The following CACNB2 variants were observed in gnomAD, a reference collection of about 807,000 sequenced individuals.
CACNB2 encodes voltage-dependent L-type calcium channel subunit beta-2.
In CACNB2, 42 loss-of-function variants were observed where a neutral mutation model predicts 73.3. The observed-to-expected ratio is 0.57, with a 90% confidence interval of 0.45 to 0.74. The LOEUF (loss-of-function observed/expected upper bound fraction) is 0.74. CACNB2 is among the 30% of genes least tolerant of loss of function. The pLI is 0.00. For synonymous variants in CACNB2, 348 were observed against 310.3 expected, an observed-to-expected ratio of 1.12 and a Z score of -1.28; for missense variants, 940 against 853.0, an observed-to-expected ratio of 1.10 and a Z score of -1.27.
At chr10:18,343,266 C>T (rs1261732298) in intron 2 of CACNB2, among the ~76,000 whole-genome samples, 2 of 152,138 alleles carry the variant, frequency 1.3e-5, no homozygotes, top group African/African-American at 2.4e-5. Context: ...TCTATCCTTT[C>T]TTCCCTTCCT....
At chr10:18,499,617 GAAAAA>G (rs59492615) in intron 4 of CACNB2, among the ~76,000 whole-genome samples, 3 of 99,658 alleles carry the variant, frequency 3.0e-5, no homozygotes, top group South Asian at 3.5e-4. Flanking sequence ...CTGTCTCAAA[GAAAAA>G]AAAAAAAAAA....
intron 2 of CACNB2, among the ~76,000 whole-genome samples, chr10:18,158,886 G>A (rs930110930): frequency 2.6e-5 from 4 of 152,110 alleles, no homozygotes; most frequent in Non-Finnish European, 5.9e-5. Context: ...TGCTGCCAAG[G>A]TCAGGGAAAA....
intron 3 of CACNB2, among the ~76,000 whole-genome samples, chr10:18,453,998 C>T (rs1243161981): frequency 2.0e-5 from 3 of 152,172 alleles, no homozygotes; most frequent in Admixed American, 1.3e-4. Flanking sequence ...TTGTGTTTCA[C>T]TTGTTTCTGA....
chr10:18,374,372 C>A (rs374528146), intron 2 of CACNB2, among the ~76,000 whole-genome samples: 1 of 152,180 alleles, frequency 6.6e-6, no homozygotes, highest in African/African-American at 2.4e-5. Context: ...GAGAGGTGTC[C>A]CCTGTGATGA....
In CACNB2 at chr10:18,543,001, T is replaced by G. The variant is rs1328438629; in HGVS notation, c.*3277T>G. On this transcript the variant is annotated 3_prime_UTR_variant, in exon 14 of 14. Transcript: ENST00000324631. ...TAAATGTAGGATGTCTTAGTCATGTTGTACTTTGGGACAATGCCACATTTT... is the reference window on the plus strand; with the variant it reads ...TAAATGTAGGATGTCTTAGTCATGTGGTACTTTGGGACAATGCCACATTTT... The G allele has an allele frequency of 6.6e-6, 1 of 152,072 alleles. No individual in the cohort carries two copies. Among genetic ancestry groups the G allele is most frequent in the East Asian group, 1.9e-4 (1 of 5,186 alleles). 9.4% of individuals were successfully genotyped at this position (152,072 alleles called of 1,614,324 possible).
chr10:18,216,822 G>C (rs2035531589), intron 2 of CACNB2, among the ~76,000 whole-genome samples: 1 of 152,108 alleles, frequency 6.6e-6, no homozygotes, highest in Non-Finnish European at 1.5e-5. Context: ...TTAAAAGCAA[G>C]CATAAATAAA....
At chr10:18,336,888 A>G (rs918591256) in intron 2 of CACNB2, among the ~76,000 whole-genome samples, 5 of 152,208 alleles carry the variant, frequency 3.3e-5, no homozygotes, top group African/African-American at 9.6e-5. Flanking sequence ...TTGAGGTTGA[A>G]AAGTAATACC....
At chr10:18,276,875 G>A (rs55851583) in intron 2 of CACNB2, among the ~76,000 whole-genome samples, 88 of 152,264 alleles carry the variant, frequency 5.8e-4, no homozygotes, top group African/African-American at 1.9e-3. Flanking sequence ...CACCACACCC[G>A]GCCTTGCAGG....
At chr10:18,156,002 T>C (rs2032021952) in intron 2 of CACNB2, among the ~76,000 whole-genome samples, 1 of 151,942 alleles carries the variant, frequency 6.6e-6, no homozygotes, top group Non-Finnish European at 1.5e-5. Context: ...CTCTTTGTAG[T>C]CAATTTCTCA....
intron 2 of CACNB2, among the ~76,000 whole-genome samples, chr10:18,164,765 A>ATT (rs2032727578): frequency 1.3e-5 from 2 of 152,014 alleles, no homozygotes; most frequent in African/African-American, 4.8e-5. Flanking sequence ...TGGATTTAGG[A>ATT]CTTGGAGGTG....
Position 18,307,986 on chromosome 10 carries a change from T to A in CACNB2, c.214-93938T>A, listed in dbSNP as rs942408701. 2.1e-3 allele frequency among the ~76,000 whole-genome samples: 189 copies of A among 89,604 alleles called. 8 individuals carry two copies. The highest frequency in any genetic ancestry group is 6.0e-3 in the Middle Eastern group (1 of 166). 58.8% of individuals were successfully genotyped at this position (89,604 alleles called of 152,430 possible). A position where few individuals can be genotyped will look rare whatever the true frequency, so the allele number is the denominator to read the frequency against. Reference sequence around the variant, plus strand: ...AGTCTAAAATAATATATGCCAACTTTTTTTTTTTTTTTTTTTTTTTTTTTG... The same window carrying A: ...AGTCTAAAATAATATATGCCAACTTATTTTTTTTTTTTTTTTTTTTTTTTG... On this transcript the variant is annotated intron_variant, in intron 2 of 13. Transcript: ENST00000324631.
chr10:18,184,383 A>G (rs1339421695), intron 2 of CACNB2, among the ~76,000 whole-genome samples: 2 of 152,170 alleles, frequency 1.3e-5, no homozygotes, highest in Non-Finnish European at 2.9e-5. Context: ...AGATTTATCA[A>G]ATTATTGTGA....
At chr10:18,203,215 A>G (rs1460647360) in intron 2 of CACNB2, among the ~76,000 whole-genome samples, 1 of 152,214 alleles carries the variant, frequency 6.6e-6, no homozygotes, top group Non-Finnish European at 1.5e-5. Flanking sequence ...ACACAGGCAG[A>G]TGCTTGGAGA....
intron 2 of CACNB2, among the ~76,000 whole-genome samples, chr10:18,354,768 A>T (rs2041844953): frequency 6.6e-6 from 1 of 151,630 alleles, no homozygotes; most frequent in South Asian, 2.1e-4. Context: ...GGTTCTGAAA[A>T]TATCTGCATA....
intron 1 of CACNB2, among the ~76,000 whole-genome samples, chr10:18,142,338 C>T (rs1365010515): frequency 6.6e-6 from 1 of 152,184 alleles, no homozygotes; most frequent in Non-Finnish European, 1.5e-5. Flanking sequence ...GCTTCACAAG[C>T]CGAGTAGGGA....
chr10:18,541,054 G>GTTTA lies in CACNB2; in HGVS notation c.*1331_*1334dup, dbSNP rs2054044724. Reference sequence around the variant, plus strand: ...TAGAGTATTTGTTTTAGTAAGAAATGTTTACACAGCTTGTGGAATTATTTC... The same window carrying GTTTA: ...TAGAGTATTTGTTTTAGTAAGAAATGTTTATTTACACAGCTTGTGGAATTATTTC... On this transcript the variant is annotated 3_prime_UTR_variant, in exon 14 of 14. Coordinates refer to ENST00000324631, the MANE Select transcript of CACNB2 (RefSeq NM_201596.3). The GTTTA allele has an allele frequency of 6.6e-6, 1 of 152,304 alleles. No homozygotes were observed. The highest frequency in any genetic ancestry group is 6.6e-5 in the Admixed American group (1 of 15,256). The allele number at this position is 152,304 out of a possible 1,614,324, so 9.4% of individuals were successfully genotyped here. A position where few individuals can be genotyped will look rare whatever the true frequency, so the allele number is the denominator to read the frequency against.
At chr10:18,485,814 C>G (rs1446735703) in intron 3 of CACNB2, among the ~76,000 whole-genome samples, 1 of 151,778 alleles carries the variant, frequency 6.6e-6, no homozygotes, top group African/African-American at 2.4e-5. Context: ...AACTCCTGAC[C>G]TCAAGTGATC....
intron 3 of CACNB2, among the ~76,000 whole-genome samples, chr10:18,442,771 G>A (rs1173371440): frequency 6.6e-6 from 1 of 150,398 alleles, no homozygotes; most frequent in Non-Finnish European, 1.5e-5. Context: ...GTTGCAGTGA[G>A]CCGAGATGGC....
intron 2 of CACNB2, among the ~76,000 whole-genome samples, chr10:18,382,315 C>T (rs2043052258): frequency 6.6e-6 from 1 of 152,004 alleles, no homozygotes; most frequent in African/African-American, 2.4e-5. Context: ...TCTGCTTAGA[C>T]AGTTGTATCT....
Sources: allele counts gnomAD v4.1 joint callset (sites outside exome capture counted in the v4.1 genomes callset), GRCh38; gene constraint gnomAD v4.1.1; transcripts MANE v1.5; gene names NCBI Gene and HGNC (gene_info 2026-07-23, HGNC 2026-07-21).